Variants in FRMD7 observed in about 807,000 individuals in gnomAD.
FRMD7 encodes the protein FERM domain containing 7.
FRMD7 carries 14 observed loss-of-function variants against 44.1 expected under a neutral mutation model. The observed-to-expected ratio is 0.32, with a 90% confidence interval of 0.21 to 0.50. The LOEUF (loss-of-function observed/expected upper bound fraction) is 0.50. Ranked by LOEUF, FRMD7 falls within the 20% of genes least tolerant of loss-of-function variation. The pLI is 0.99. For synonymous variants in FRMD7, 212 were observed against 187.4 expected (o/e 1.13, Z -1.07); for missense variants, 501 against 522.3 (o/e 0.96, Z 0.40).
intron 1 of FRMD7, among the ~76,000 whole-genome samples, chrX:132,104,588 G>A (rs1193431570): frequency 9.0e-6 from 1 of 111,546 alleles, no homozygotes; most frequent in Non-Finnish European, 1.9e-5. Flanking sequence ...AGCTACTCGG[G>A]AGGCTGAGGC....
chrX:132,125,804 G>T (rs1929141615), intron 1 of FRMD7, among the ~76,000 whole-genome samples: 1 of 111,661 alleles, frequency 9.0e-6, no homozygotes, highest in South Asian at 3.7e-4. Context: ...GCTACTGACA[G>T]ATGAGTCTAC....
At chrX:132,080,670 C>T (rs752179273) in intron 9 of FRMD7, among the ~76,000 whole-genome samples, 4 of 110,743 alleles carry the variant, frequency 3.6e-5, no homozygotes, top group Admixed American at 9.6e-5. Flanking sequence ...AAAAATTACC[C>T]GGCCATGGTA....
intron 1 of FRMD7, among the ~76,000 whole-genome samples, chrX:132,109,551 G>A (rs1436375200): frequency 9.0e-6 from 1 of 111,273 alleles, no homozygotes; most frequent in Non-Finnish European, 1.9e-5. Context: ...TACTCTCCTC[G>A]GCTCCAGGGA....
chrX:132,078,694 A>G lies in FRMD7; in HGVS notation c.1323T>C (p.Ser441=). The G allele has an allele frequency of 1.7e-6, 2 of 1,210,304 alleles. No homozygotes were observed. Among genetic ancestry groups the G allele is most frequent in the Non-Finnish European group, 2.2e-6 (2 of 894,482 alleles). ...PDPRDIFSER[S]SLSSFQTSCK... ...AGCTTGTTTGGAAGGAGCTTAGAGA[A>G]CTCCTCTCTGAAAAAATGTCTCTGG... The change falls in exon 12 of 12, where the codon AGT becomes AGC. Residue 441 remains serine (S), a synonymous_variant. Coordinates refer to ENST00000298542, the MANE Select transcript of FRMD7 (RefSeq NM_194277.3).
At chrX:132,102,303 TAAATGA>T (rs1159495152) in intron 1 of FRMD7, among the ~76,000 whole-genome samples, 3 of 112,092 alleles carry the variant, frequency 2.7e-5, no homozygotes, top group Non-Finnish European at 5.6e-5. Context: ...GTCCGATTTT[TAAATGA>T]AAATAGGCTG....
Position 132,077,793 on chromosome X carries a change from A to G in FRMD7, c.*79T>C. On this transcript the variant is annotated 3_prime_UTR_variant, in exon 12 of 12. Coordinates refer to ENST00000298542, the MANE Select transcript of FRMD7 (RefSeq NM_194277.3). ...CAATGAATATGTAGTAACCAAGAAA[A>G]TGGTTTCTACAACTTCATTATTTTC... 8.4e-7 allele frequency: 1 copy of G among 1,188,324 alleles called. No individual in the cohort carries two copies. The highest frequency in any genetic ancestry group is 1.1e-6 in the Non-Finnish European group (1 of 879,658).
chrX:132,095,519 G>A (rs2124243822), intron 4 of FRMD7, among the ~76,000 whole-genome samples: 1 of 112,132 alleles, frequency 8.9e-6, no homozygotes, highest in Non-Finnish European at 1.9e-5. Context: ...AAGGCAATGT[G>A]GTGAATCAAA....
chrX:132,121,296 C>T (rs1929028442), intron 1 of FRMD7, among the ~76,000 whole-genome samples: 1 of 111,809 alleles, frequency 8.9e-6, no homozygotes, highest in Admixed American at 9.5e-5. Context: ...CACCTGTTAA[C>T]TTAAATAGCC....
At chrX:132,083,970 AAAG>A (rs1380608043) in intron 8 of FRMD7, among the ~76,000 whole-genome samples, 3 of 111,610 alleles carry the variant, frequency 2.7e-5, no homozygotes, top group Admixed American at 9.5e-5. Context: ...TAGAATAAAA[AAAG>A]AAGATCATTT....
chrX:132,100,536 A>G, intron 2 of FRMD7, 76 bp downstream of exon 2: 3 of 676,267 alleles, frequency 4.4e-6, no homozygotes, highest in South Asian at 4.3e-5. Context: ...AGGGAATTGA[A>G]CCCTACATAC....
intron 1 of FRMD7, among the ~76,000 whole-genome samples, chrX:132,111,011 C>A (rs1419842797): frequency 1.8e-5 from 2 of 110,685 alleles, no homozygotes; most frequent in Admixed American, 1.9e-4. Flanking sequence ...ATACTGAGAC[C>A]CTGTCTCTAT....
At chrX:132,083,489 G>C (rs1180411808) in intron 8 of FRMD7, among the ~76,000 whole-genome samples, 1 of 110,762 alleles carries the variant, frequency 9.0e-6, no homozygotes, top group Admixed American at 9.7e-5. Flanking sequence ...TCCTTTCCAG[G>C]TTCCTGCATG....
At chrX:132,100,496 AG>A (rs1928468649) in intron 2 of FRMD7, 115 bp downstream of exon 2, 1 of 553,132 alleles carries the variant, frequency 1.8e-6, no homozygotes, top group Non-Finnish European at 3.2e-6. Context: ...TCATGTTGCA[AG>A]GGTGCACATA....
chrX:132,125,950 G>T (rs185066048), intron 1 of FRMD7, among the ~76,000 whole-genome samples: 13 of 111,497 alleles, frequency 1.2e-4, no homozygotes, highest in Non-Finnish European at 3.8e-5. Flanking sequence ...AATGGGAAAA[G>T]ATCTTTTCCC....
chrX:132,127,866 G>A lies in FRMD7; in HGVS notation c.-22C>T, dbSNP rs1408768895. 1 of 1,183,023 alleles carries A rather than the reference G, an allele frequency of 8.5e-7. No homozygotes were observed. The highest frequency in any genetic ancestry group is 2.2e-5 in the Admixed American group (1 of 46,061). ...GCATTCTCAGCGAGGCCGTTGGGCT[G>A]CAAGCAGGCTCAGAGTGCTGTGGGT... On this transcript the variant is annotated 5_prime_UTR_variant, in exon 1 of 12. Transcript: ENST00000298542.
chrX:132,104,570 G>A (rs1569346169), intron 1 of FRMD7, among the ~76,000 whole-genome samples: 1 of 111,411 alleles, frequency 9.0e-6, no homozygotes, highest in African/African-American at 3.3e-5. Flanking sequence ...GCGGGTGCCT[G>A]TAGTCCCAGC....
Position 132,077,821 on chromosome X carries a change from C to T in FRMD7, c.*51G>A. 1 of 1,208,433 alleles carries T rather than the reference C, an allele frequency of 8.3e-7. No homozygotes were observed. The highest frequency in any genetic ancestry group is 1.1e-6 in the Non-Finnish European group (1 of 893,606). The stretch of plus-strand genomic sequence containing the variant: ...GTTTCTACAACTTCATTATTTTCTG[C>T]CTAAGTCGGTAACATGGAACTGGCT... On this transcript the variant is annotated 3_prime_UTR_variant, in exon 12 of 12. Transcript: ENST00000298542.
intron 8 of FRMD7, among the ~76,000 whole-genome samples, chrX:132,083,195 A>T: frequency 9.0e-6 from 1 of 111,722 alleles, no homozygotes; most frequent in Non-Finnish European, 1.9e-5. Context: ...AACTCAAGTG[A>T]TCCTTCCACC....
intron 4 of FRMD7, among the ~76,000 whole-genome samples, chrX:132,095,035 A>G (rs1285851517): frequency 1.8e-5 from 2 of 109,960 alleles, no homozygotes; most frequent in Non-Finnish European, 3.8e-5. Flanking sequence ...ACCTTCTTCC[A>G]TGGTCCAAGA....
Sources: gnomAD v4.1 joint callset for allele counts (sites outside exome capture counted in the v4.1 genomes callset) on GRCh38, gnomAD v4.1.1 for gene constraint, MANE v1.5 for transcripts, NCBI Gene and HGNC (gene_info 2026-07-23, HGNC 2026-07-21) for gene names.